The following TENM4 variants were observed in gnomAD, a reference collection of about 807,000 sequenced individuals.
TENM4 encodes teneurin-4.
In TENM4, 82 loss-of-function variants were observed where a neutral mutation model predicts 243.3. The ratio of observed to expected loss-of-function variants is 0.34; its 90% CI spans 0.28 to 0.40. TENM4 has a LOEUF of 0.40. TENM4 is among the 10% of genes least tolerant of loss of function. TENM4 has a pLI of 1.00. For missense variants in TENM4, 3,138 were observed against 3,673.3 expected (o/e 0.85, Z 3.77); for synonymous variants, 1,412 against 1,456.3 (o/e 0.97, Z 0.69).
chr11:78,880,967 T>C (rs1447943473), intron 9 of TENM4, among the ~76,000 whole-genome samples: 1 of 152,220 alleles, frequency 6.6e-6, no homozygotes, highest in African/African-American at 2.4e-5. Context: ...AATGGTTATG[T>C]GTTTTGACTG....
intron 1 of TENM4, among the ~76,000 whole-genome samples, chr11:79,395,070 A>G (rs140831416): frequency 6.6e-6 from 1 of 152,224 alleles, no homozygotes; most frequent in Non-Finnish European, 1.5e-5. Flanking sequence ...AAACCATTCC[A>G]TTTGTGGTAC....
chr11:79,076,729 G>A (rs1439601161), intron 4 of TENM4, among the ~76,000 whole-genome samples: 3 of 152,152 alleles, frequency 2.0e-5, no homozygotes, highest in Admixed American at 2.0e-4. Context: ...GCCCCCTGGT[G>A]GTGATGGTGA....
In TENM4 at chr11:78,835,187, T is replaced by C. The variant is rs753367340; in HGVS notation, c.1681+18917A>G. 3.3e-5 allele frequency among the ~76,000 whole-genome samples: 5 copies of C among 152,172 alleles called. No homozygotes were observed. The South Asian group carries it at 6.2e-4, about 19-fold the overall frequency. ...ACATGATTCTCTAGCTCCTCTTTGC[T>C]GAAGCTCTCTTTTCCCTCAGCTTTA... On this transcript the variant is annotated intron_variant, in intron 12 of 33. Coordinates refer to ENST00000278550, the MANE Select transcript of TENM4 (RefSeq NM_001098816.3).
intron 4 of TENM4, among the ~76,000 whole-genome samples, chr11:79,109,693 A>G (rs1861461479): frequency 6.6e-6 from 1 of 152,208 alleles, no homozygotes; most frequent in Non-Finnish European, 1.5e-5. Context: ...ACATGTTTGG[A>G]AAGTTCTGAA....
chr11:79,045,737 T>C (rs375982551), intron 6 of TENM4, among the ~76,000 whole-genome samples: 5 of 133,498 alleles, frequency 3.7e-5, no homozygotes, highest in South Asian at 2.3e-4. Flanking sequence ...TTTTTTTTTT[T>C]AAATTAGAAA....
rs1368857006 is a variant in TENM4, at chr11:78,880,488, A to AAAAAAAAAAAAAAG, written c.1084+9296_1084+9297insCTTTTTTTTTTTTT. ...AAAAAAAAAAAAAAAAAAAAAAAAA[A>AAAAAAAAAAAAAAG]AGAAAGAAAAAATGGCCTGTGAAAA... On this transcript the variant is annotated intron_variant, in intron 9 of 33. Coordinates refer to ENST00000278550, the MANE Select transcript of TENM4 (RefSeq NM_001098816.3). Among the ~76,000 whole-genome samples, 177 of 112,834 alleles carry AAAAAAAAAAAAAAG rather than the reference A, an allele frequency of 1.6e-3. 1 individual carries two copies. Among genetic ancestry groups the AAAAAAAAAAAAAAG allele is most frequent in the African/African-American group, 3.8e-3 (110 of 28,832 alleles). 74.0% of individuals were successfully genotyped at this position (112,834 alleles called of 152,430 possible). A position where few individuals can be genotyped will look rare whatever the true frequency, so the allele number is the denominator to read the frequency against.
intron 1 of TENM4, among the ~76,000 whole-genome samples, chr11:79,363,738 T>C (rs1327819100): frequency 6.6e-6 from 1 of 152,256 alleles, no homozygotes; most frequent in East Asian, 1.9e-4. Context: ...TGTCTTCATG[T>C]TGTTTTACTA....
At chr11:78,984,245 A>T (rs1017434464) in intron 6 of TENM4, among the ~76,000 whole-genome samples, 9 of 152,136 alleles carry the variant, frequency 5.9e-5, no homozygotes, top group Non-Finnish European at 7.3e-5. Flanking sequence ...GCCTTGTTAC[A>T]CTCATGTAAG....
chr11:78,727,841 A>G (rs976392467), intron 22 of TENM4, among the ~76,000 whole-genome samples: 1 of 152,210 alleles, frequency 6.6e-6, no homozygotes, highest in East Asian at 1.9e-4. Context: ...TTTCCAGTGG[A>G]CAATATTCTA....
chr11:79,287,615 T>C (rs1389236711), intron 2 of TENM4, among the ~76,000 whole-genome samples: 1 of 152,088 alleles, frequency 6.6e-6, no homozygotes, highest in Non-Finnish European at 1.5e-5. Context: ...ACAAGTAGGG[T>C]GCTTGATGCA....
chr11:78,774,595 A>G (rs1170510041), intron 17 of TENM4, among the ~76,000 whole-genome samples: 7 of 152,228 alleles, frequency 4.6e-5, no homozygotes, highest in Non-Finnish European at 7.3e-5. Flanking sequence ...TGCATGTAGC[A>G]GACACTCAAT....
chr11:78,950,514 T>C (rs1256462889), intron 6 of TENM4, among the ~76,000 whole-genome samples: 1 of 152,152 alleles, frequency 6.6e-6, no homozygotes, highest in African/African-American at 2.4e-5. Flanking sequence ...TGAGAAAAGA[T>C]TGTGAAGAGC....
chr11:78,889,504 A>C (rs1397796873), intron 9 of TENM4, among the ~76,000 whole-genome samples: 2 of 152,174 alleles, frequency 1.3e-5, no homozygotes, highest in Non-Finnish European at 2.9e-5. Flanking sequence ...CTTACTGAGC[A>C]CTCACGCCTT....
chr11:79,030,332 G>C (rs1432568573), intron 6 of TENM4, among the ~76,000 whole-genome samples: 1 of 152,198 alleles, frequency 6.6e-6, no homozygotes, highest in Non-Finnish European at 1.5e-5. Flanking sequence ...TGGTGGGTAA[G>C]GGGAGCCCAG....
chr11:79,374,153 T>C (rs2135513981), intron 1 of TENM4, among the ~76,000 whole-genome samples: 1 of 152,248 alleles, frequency 6.6e-6, no homozygotes, highest in South Asian at 2.1e-4. Flanking sequence ...TTCAAGACAC[T>C]CTTTGAGGAC....
chr11:79,196,568 G>A (rs1236992352), intron 3 of TENM4, among the ~76,000 whole-genome samples: 1 of 152,102 alleles, frequency 6.6e-6, no homozygotes, highest in African/African-American at 2.4e-5. Context: ...GCCCCCGGCT[G>A]GTGCTGTTGA....
At chr11:78,987,730 C>T (rs867284619) in intron 6 of TENM4, among the ~76,000 whole-genome samples, 1 of 152,072 alleles carries the variant, frequency 6.6e-6, no homozygotes, top group Non-Finnish European at 1.5e-5. Flanking sequence ...TAGTAGTTAC[C>T]ATTATAGCCA....
At chr11:79,051,479 G>A (rs35041294) in intron 6 of TENM4, among the ~76,000 whole-genome samples, 91,643 of 151,452 alleles carry the variant, frequency 0.61, 32,806 homozygotes, top group Non-Finnish European at 0.83. Flanking sequence ...TAAAATTACT[G>A]GCAGTCATTC....
intron 3 of TENM4, among the ~76,000 whole-genome samples, chr11:79,165,096 T>C (rs1862883774): frequency 6.6e-6 from 1 of 152,218 alleles, no homozygotes; most frequent in African/African-American, 2.4e-5. Context: ...TGTGCTCTTA[T>C]AAACATGCTT....
Sources: allele counts gnomAD v4.1 joint callset (sites outside exome capture counted in the v4.1 genomes callset), GRCh38; gene constraint gnomAD v4.1.1; transcripts MANE v1.5; gene names NCBI Gene and HGNC (gene_info 2026-07-23, HGNC 2026-07-21).